The following FXYD1 variants were observed in gnomAD, a reference collection of about 807,000 sequenced individuals.
FXYD1 encodes the protein FXYD domain containing ion transport regulator 1, also known as phospholemman.
FXYD1 carries 9 observed loss-of-function variants against 17.2 expected under a neutral mutation model. The observed-to-expected ratio is 0.52, with a 90% CI of 0.32 to 0.91. The LOEUF (loss-of-function observed/expected upper bound fraction) is 0.91, where lower values mean the gene tolerates loss of function less well. FXYD1 is among the 40% of genes least tolerant of loss of function. FXYD1 has a pLI of 0.04. For missense variants in FXYD1, 113 were observed against 120.6 expected (o/e 0.94, Z 0.29); for synonymous variants, 55 against 45.8 (o/e 1.20, Z -0.81).
At chr19:35,142,157 G>A (rs2065262219) in intron 5 of FXYD1, 2 of 326,330 alleles carry the variant, frequency 6.1e-6, no homozygotes, top group South Asian at 7.6e-5. Flanking sequence ...GTGGAAGATG[G>A]GGGGTTCTGG....
chr19:35,141,199 C>A lies in FXYD1; in HGVS notation c.162C>A (p.Ile54=), dbSNP rs143457232. Residue 54 remains isoleucine (I), a synonymous_variant, in exon 4 of 8, where the codon ATC becomes ATA. Coordinates refer to ENST00000351325, the MANE Select transcript of FXYD1 (RefSeq NM_021902.4). ...TCCTCTTCATCCTGGGCATCCTCATCGTGCTGAGTGAGTGCCCCTAGCTCC... is the reference window on the plus strand; with the variant it reads ...TCCTCTTCATCCTGGGCATCCTCATAGTGCTGAGTGAGTGCCCCTAGCTCC... ...AGILFILGIL[I]VLSRRCRCKF... 7.5e-6 allele frequency: 12 copies of A among 1,598,830 alleles called. No homozygotes were observed. In the African/African-American group the frequency reaches 1.2e-4, roughly 16 times the overall value.
upstream of FXYD1, chr19:35,138,012 G>C (rs1467991402): frequency 6.6e-6 from 1 of 152,188 alleles, no homozygotes; most frequent in African/African-American, 2.4e-5. Flanking sequence ...TTGTGGGTGG[G>C]TCTTCACATA....
chr19:35,142,394 G>A (rs1600487950), intron 5 of FXYD1, 78 bp from the exon 6 acceptor site: 1 of 1,098,352 alleles, frequency 9.1e-7, no homozygotes, highest in Non-Finnish European at 1.3e-6. Context: ...TGGGAAAGGA[G>A]GCTTGTACTG....
chr19:35,141,894 A>C (rs982556778), intron 5 of FXYD1, among the ~76,000 whole-genome samples: 3 of 152,252 alleles, frequency 2.0e-5, no homozygotes, highest in African/African-American at 7.2e-5. Flanking sequence ...CACGCGGCCC[A>C]GTTTAGCTTA....
chr19:35,139,920 T>C (rs2065235647), intron 1 of FXYD1, 156 bp from the exon 2 acceptor site: 2 of 636,544 alleles, frequency 3.1e-6, no homozygotes, highest in African/African-American at 1.8e-5. Context: ...CCCACGAAGC[T>C]GGGGATACCC....
At chr19:35,137,381 G>T (rs1568399958), upstream of FXYD1, among the ~76,000 whole-genome samples, 1 of 152,266 alleles carries the variant, frequency 6.6e-6, no homozygotes, top group Non-Finnish European at 1.5e-5. Context: ...ATGCAAGTGT[G>T]TCAGCCTGCG....
intron 7 of FXYD1, 68 bp downstream of exon 7, chr19:35,142,839 C>T (rs974371195): frequency 1.3e-5 from 16 of 1,244,324 alleles, no homozygotes; most frequent in Non-Finnish European, 1.7e-5. Flanking sequence ...AGGGAGGGGG[C>T]CAAGTGCCAG....
chr19:35,141,548 G>C lies in FXYD1; in HGVS notation c.182G>C (p.Arg61Pro), dbSNP rs963717578. The part of the protein sequence containing the change: ...GILIVLSRRC[R>P]CKFNQQQRTG... ...TCCACGCCCACAGGCAGAAGATGCC[G>C]GTGCAAGTTCAACCAGCAGCAGAGG... The change falls in exon 5 of 8, where the codon CGG becomes CCG. Residue 61 changes from arginine (R) to proline (P), a missense_variant. Physicochemically the swap from Arg to Pro is moderately radical, Grantham distance 103. Transcript: ENST00000351325. The C allele has an allele frequency of 6.2e-7, 1 of 1,610,478 alleles. No individual in the cohort carries two copies. Among genetic ancestry groups the C allele is most frequent in the Non-Finnish European group, 8.5e-7 (1 of 1,178,604 alleles).
chr19:35,139,828 G>C (rs2065234459), intron 1 of FXYD1: 1 of 452,140 alleles, frequency 2.2e-6, no homozygotes, highest in East Asian at 3.9e-5. Context: ...GCCCCCCGGG[G>C]ACTGTGTGTC....
Position 35,143,092 on chromosome 19 carries a change from C to A in FXYD1, c.*205C>A, listed in dbSNP as rs1468183211. The A allele has an allele frequency of 2.9e-4, 159 of 552,458 alleles. 3 individuals carry two copies. In the East Asian group the frequency reaches 5.1e-3, roughly 18 times the overall value. 34.2% of individuals were successfully genotyped at this position (552,458 alleles called of 1,614,324 possible). A position where few individuals can be genotyped will look rare whatever the true frequency, so the allele number is the denominator to read the frequency against. ...TCGGTCCCTCAGCGCGAAACGCCAG[C>A]GCCACTGGGCCCCAGCAGGGGGCGC... On this transcript the variant is annotated 3_prime_UTR_variant, in exon 8 of 8. Transcript: ENST00000351325. The surrounding 1 kb of genome is among the most constrained non-coding windows in gnomAD (Gnocchi z 4.3).
At chr19:35,142,810 G>A in intron 7 of FXYD1, 39 bp downstream of exon 7, 1 of 1,528,520 alleles carries the variant, frequency 6.5e-7, no homozygotes, top group Non-Finnish European at 9.0e-7. Context: ...GGGAAGGAGG[G>A]AGGAAGGAAA....
chr19:35,141,203 C>A lies in FXYD1; in HGVS notation c.166C>A (p.Leu56Met). 1 of 1,595,538 alleles carries A rather than the reference C, an allele frequency of 6.3e-7. No individual in the cohort carries two copies. Among genetic ancestry groups the A allele is most frequent in the Non-Finnish European group, 8.6e-7 (1 of 1,164,334 alleles). Residue 56 changes from leucine to methionine, a missense_variant, in exon 4 of 8, where the codon CTG (leucine) becomes ATG (methionine). Leu to Met is a conservative substitution (Grantham distance 15, BLOSUM62 2). Coordinates refer to ENST00000351325, the MANE Select transcript of FXYD1 (RefSeq NM_021902.4). ...CTTCATCCTGGGCATCCTCATCGTG[C>A]TGAGTGAGTGCCCCTAGCTCCCGCC... ...ILFILGILIVLSRRCRCKFNQ... is the reference protein window; with the variant it reads ...ILFILGILIVMSRRCRCKFNQ...
intron 2 of FXYD1, 69 bp from the exon 3 acceptor site, chr19:35,140,528 G>A: frequency 2.2e-6 from 3 of 1,377,044 alleles, no homozygotes; most frequent in Non-Finnish European, 3.1e-6. Context: ...AGCCTCCAGT[G>A]GTCTCCTCAT....
intron 5 of FXYD1, 27 bp downstream of exon 5, chr19:35,141,599 C>A: frequency 6.3e-7 from 1 of 1,595,298 alleles, no homozygotes; most frequent in Non-Finnish European, 8.6e-7. Context: ...CGCCCTCCTT[C>A]GCCCGCTCCT....
At chr19:35,142,626 C>G (rs988173148) in intron 6 of FXYD1, 94 bp from the exon 7 acceptor site, 3 of 1,542,412 alleles carry the variant, frequency 1.9e-6, no homozygotes, top group Non-Finnish European at 2.7e-6. Flanking sequence ...GATCTGAAAG[C>G]GGAGGGCGGG....
In FXYD1 at chr19:35,140,616, C is replaced by T. The variant is rs1052016502; in HGVS notation, c.81C>T (p.Asp27=). ...MAKAESPKEH[D]PFTYDYQSLQ... Reference sequence around the variant, plus strand: ...TTCCAGAAAGTCCAAAGGAACACGACCCGTTCACTTACGGTGAGCGGGGGG... The same window carrying T: ...TTCCAGAAAGTCCAAAGGAACACGATCCGTTCACTTACGGTGAGCGGGGGG... The change falls in exon 3 of 8, where the codon GAC becomes GAT. Residue 27 remains aspartate (D), a synonymous_variant. Coordinates refer to ENST00000351325, the MANE Select transcript of FXYD1 (RefSeq NM_021902.4). 6 of 1,613,512 alleles carry T rather than the reference C, an allele frequency of 3.7e-6. No individual in the cohort carries two copies. The highest frequency in any genetic ancestry group is 5.1e-6 in the Non-Finnish European group (6 of 1,179,762).
intron 1 of FXYD1, 145 bp from the exon 2 acceptor site, chr19:35,139,931 G>A (rs977810805): frequency 1.5e-5 from 10 of 674,592 alleles, no homozygotes; most frequent in African/African-American, 3.6e-5. Flanking sequence ...GGGGATACCC[G>A]TTTCTCTAGC....
At position 35,140,640 on chromosome 19, in the gene FXYD1, G is replaced by C; in HGVS notation, c.94+11G>C. ...ACCCGTTCACTTACGGTGAGCGGGG[G>C]GTCTAATTTTGAGTCCTGGGGGAGA... On this transcript the variant is annotated intron_variant, in intron 3 of 7. Coordinates refer to ENST00000351325, the MANE Select transcript of FXYD1 (RefSeq NM_021902.4). 6.2e-7 allele frequency: 1 copy of C among 1,612,786 alleles called. No individual in the cohort carries two copies. Among genetic ancestry groups the C allele is most frequent in the Non-Finnish European group, 8.5e-7 (1 of 1,179,110 alleles).
intron 1 of FXYD1, 68 bp from the exon 2 acceptor site, chr19:35,140,008 C>A (rs1478191104): frequency 5.2e-6 from 7 of 1,350,372 alleles, no homozygotes; most frequent in East Asian, 4.6e-5. Flanking sequence ...CTGACTTAAT[C>A]CCTTGGGTTC....
Sources: gnomAD v4.1 joint callset for allele counts (sites outside exome capture counted in the v4.1 genomes callset) on GRCh38, gnomAD v4.1.1 for gene constraint, Gnocchi (gnomAD v3.1) non-coding constraint, MANE v1.5 for transcripts, NCBI Gene and HGNC (gene_info 2026-07-23, HGNC 2026-07-21) for gene names.